TWIST2: variants seen among roughly 807,000 people sequenced by gnomAD.
TWIST2 encodes the protein twist family bHLH transcription factor 2.
TWIST2 carries 1 observed loss-of-function variant against 11.6 expected under a neutral mutation model. The observed-to-expected ratio is 0.09, with a 90% CI of 0.03 to 0.41. The LOEUF is 0.41. Ranked by LOEUF, TWIST2 falls within the 10% of genes least tolerant of loss-of-function variation. The pLI is 0.98. For synonymous variants in TWIST2, 87 were observed against 96.6 expected (o/e 0.90, Z 0.58); for missense variants, 168 against 226.4 (o/e 0.74, Z 1.66).
chr2:238,848,967 C>A (rs1574742723), intron 1 of TWIST2, among the ~76,000 whole-genome samples: 1 of 151,774 alleles, frequency 6.6e-6, no homozygotes, highest in Non-Finnish European at 1.5e-5. Flanking sequence ...ACCGGCGGAC[C>A]GGTGACTCCC....
chr2:238,869,176 A>G (rs1301755950), intron 1 of TWIST2, among the ~76,000 whole-genome samples: 2 of 152,196 alleles, frequency 1.3e-5, no homozygotes, highest in African/African-American at 4.8e-5. Flanking sequence ...CAGAATGGGA[A>G]ATAGGTCCAA....
intron 1 of TWIST2, among the ~76,000 whole-genome samples, chr2:238,906,577 C>G (rs1693358967): frequency 6.6e-6 from 1 of 152,046 alleles, no homozygotes. Context: ...ACAATTTACA[C>G]AACTTGCACA....
At chr2:238,894,308 C>G (rs1002192419) in intron 1 of TWIST2, among the ~76,000 whole-genome samples, 4 of 152,148 alleles carry the variant, frequency 2.6e-5, no homozygotes, top group African/African-American at 9.7e-5. Context: ...TTGTTGCCCC[C>G]GAGATGACTC....
intron 1 of TWIST2, among the ~76,000 whole-genome samples, chr2:238,874,386 T>C (rs1692766898): frequency 6.6e-6 from 1 of 152,234 alleles, no homozygotes; most frequent in African/African-American, 2.4e-5. Flanking sequence ...TTATCGTGTC[T>C]TAAAATGTCC....
chr2:238,909,510 C>G (rs1693416521), intron 1 of TWIST2, among the ~76,000 whole-genome samples: 2 of 152,128 alleles, frequency 1.3e-5, no homozygotes, highest in Admixed American at 6.5e-5. Flanking sequence ...TCACCCACAG[C>G]CAGACCGCAT....
chr2:238,862,354 T>A (rs574187957), intron 1 of TWIST2, among the ~76,000 whole-genome samples: 10 of 152,270 alleles, frequency 6.6e-5, no homozygotes, highest in Non-Finnish European at 1.0e-4. Flanking sequence ...GTTAATGTTC[T>A]TACTAGAAAA....
intron 1 of TWIST2, among the ~76,000 whole-genome samples, chr2:238,874,225 A>G (rs376395592): frequency 2.0e-5 from 3 of 152,128 alleles, no homozygotes; most frequent in African/African-American, 7.2e-5. Context: ...TTCAAGGGAA[A>G]CACAACTTGG....
rs201212202 is a variant in TWIST2, at chr2:238,867,412, C to CACACACACACACACACACACACA, written c.*35+18679_*35+18680insACACACACACACACACACACACA. ...ACACACACACACACACACACACACA[C>CACACACACACACACACACACACA]TCCTCAGTAAAATACCCAGTTCTCA... On this transcript the variant is annotated intron_variant, in intron 1 of 1. Coordinates refer to ENST00000612363, the MANE Select transcript of TWIST2 (RefSeq NM_001271893.4). This position sits in a 1 kb window ranked among gnomAD's most constrained non-coding sequence, Gnocchi z 4.8. Among the ~76,000 whole-genome samples the CACACACACACACACACACACACA allele has an allele frequency of 1.4e-5, 2 of 144,126 alleles. No homozygotes were observed. The highest frequency in any genetic ancestry group is 3.1e-5 in the Non-Finnish European group (2 of 64,162). The allele number at this position is 144,126 out of a possible 152,430, so 94.6% of individuals were successfully genotyped here. A position where few individuals can be genotyped will look rare whatever the true frequency, so the allele number is the denominator to read the frequency against.
At chr2:238,859,605 T>C (rs1692394713) in intron 1 of TWIST2, among the ~76,000 whole-genome samples, 1 of 151,344 alleles carries the variant, frequency 6.6e-6, no homozygotes, top group South Asian at 2.1e-4. Context: ...TCCCAGACCA[T>C]GTGCATCTCT....
At chr2:238,859,487 C>T (rs1302237865) in intron 1 of TWIST2, among the ~76,000 whole-genome samples, 1 of 151,522 alleles carries the variant, frequency 6.6e-6, no homozygotes, top group African/African-American at 2.4e-5. Flanking sequence ...ATGATGCCTT[C>T]ACAACAAGGT....
chr2:238,889,571 G>T (rs917828675), intron 1 of TWIST2, among the ~76,000 whole-genome samples: 2 of 152,138 alleles, frequency 1.3e-5, no homozygotes, highest in African/African-American at 4.8e-5. Context: ...CTCACTTTGC[G>T]CATGATAGAT....
chr2:238,859,212 CAA>C (rs544641770), intron 1 of TWIST2, among the ~76,000 whole-genome samples: 5,008 of 139,592 alleles, frequency 0.036, 304 homozygotes, highest in African/African-American at 0.12. Context: ...CACTCCGTCT[CAA>C]AAAAAAAAAA....
intron 1 of TWIST2, among the ~76,000 whole-genome samples, chr2:238,883,774 A>G (rs1168084379): frequency 1.3e-5 from 2 of 152,218 alleles, no homozygotes; most frequent in African/African-American, 4.8e-5. Flanking sequence ...GCGGAGAGGG[A>G]GGCGGTTTTC....
At chr2:238,880,081 G>A (rs1339700029) in intron 1 of TWIST2, among the ~76,000 whole-genome samples, 1 of 152,202 alleles carries the variant, frequency 6.6e-6, no homozygotes, top group African/African-American at 2.4e-5. Flanking sequence ...GTTGGTGTTA[G>A]TTTTGATATT....
chr2:238,862,166 G>A (rs1692447490), intron 1 of TWIST2, among the ~76,000 whole-genome samples: 1 of 152,106 alleles, frequency 6.6e-6, no homozygotes. Flanking sequence ...ACTAATGCAG[G>A]CCTTTCCGAC....
Position 238,848,521 on chromosome 2 carries a change from C to T in TWIST2, c.306C>T (p.Ser102=). The T allele has an allele frequency of 6.3e-7, 1 of 1,592,768 alleles. No homozygotes were observed. The highest frequency in any genetic ancestry group is 1.1e-5 in the South Asian group (1 of 87,600). Residue 102 remains serine (S), a synonymous_variant, in exon 1 of 2, where the codon AGC becomes AGT. Coordinates refer to ENST00000612363, the MANE Select transcript of TWIST2 (RefSeq NM_001271893.4). ...CCACGCTGCCCTCTGACAAGCTGAG[C>T]AAGATCCAGACGCTCAAGCTGGCCG... ...IIPTLPSDKL[S]KIQTLKLAAR... is the part of the protein sequence containing the mutation.
At chr2:238,856,070 C>T (rs933709668) in intron 1 of TWIST2, among the ~76,000 whole-genome samples, 10 of 152,086 alleles carry the variant, frequency 6.6e-5, no homozygotes, top group African/African-American at 1.9e-4. Flanking sequence ...GGGGGCCGTG[C>T]GGTGGCTGTG....
intron 1 of TWIST2, among the ~76,000 whole-genome samples, chr2:238,868,507 ATCCCAGTCTCC>A (rs1692585533): frequency 6.6e-6 from 1 of 152,216 alleles, no homozygotes; most frequent in Non-Finnish European, 1.5e-5. Flanking sequence ...GGCCAGACGG[ATCCCAGTCTCC>A]TCCCATTCCA....
In TWIST2 at chr2:238,867,379, A is replaced by ACACACACACG. The variant is rs1692561082; in HGVS notation, c.*35+18655_*35+18656insGCACACACAC. 6.7e-6 allele frequency among the ~76,000 whole-genome samples: 1 copy of ACACACACACG among 148,940 alleles called. No individual in the cohort carries two copies. Among genetic ancestry groups the ACACACACACG allele is most frequent in the Non-Finnish European group, 1.5e-5 (1 of 66,910 alleles). Reference sequence around the variant, plus strand: ...AAAATGTCCTGCCTTCAACACACACACACACACACACACACACACACACAC... The same window carrying ACACACACACG: ...AAAATGTCCTGCCTTCAACACACACACACACACACGCACACACACACACACACACACACAC... On this transcript the variant is annotated intron_variant, in intron 1 of 1. Transcript: ENST00000612363. The surrounding 1 kb of genome is among the most constrained non-coding windows in gnomAD (Gnocchi z 4.8).
Sources: gnomAD v4.1 joint callset for allele counts (sites outside exome capture counted in the v4.1 genomes callset) on GRCh38, gnomAD v4.1.1 for gene constraint, Gnocchi (gnomAD v3.1) non-coding constraint, MANE v1.5 for transcripts, NCBI Gene and HGNC (gene_info 2026-07-23, HGNC 2026-07-21) for gene names.